The following LRRC37A2 variants were observed in gnomAD, a reference collection of about 807,000 sequenced individuals.
The protein encoded by LRRC37A2 is leucine rich repeat containing 37 member A2.
A neutral mutation model predicts 68.8 loss-of-function variants in LRRC37A2; 9 were observed. That is an observed-to-expected ratio of 0.13 (90% confidence interval 0.08 to 0.23). LRRC37A2 has a LOEUF of 0.23. Among genes scored for constraint, LRRC37A2 ranks in the 10% least tolerant of loss-of-function variants. LRRC37A2 has a pLI of 1.00. For missense variants in LRRC37A2, 168 were observed against 950.4 expected, an observed-to-expected ratio of 0.18 and a Z score of 10.82; for synonymous variants, 63 against 367.6, an observed-to-expected ratio of 0.17 and a Z score of 9.48.
the LRRC37A2 span, among the ~76,000 whole-genome samples, chr17:46,962,539 C>T: frequency 6.6e-6 from 1 of 152,178 alleles, no homozygotes; most frequent in Non-Finnish European, 1.5e-5. Flanking sequence ...TGCTTTTGCA[C>T]TTTTGGGAAG....
At chr17:46,779,053 T>TCTCACACACACACACA in the LRRC37A2 span, among the ~76,000 whole-genome samples, 50 of 100,666 alleles carry the variant, frequency 5.0e-4, no homozygotes, top group African/African-American at 1.7e-3. Flanking sequence ...CCCTACCCCA[T>TCTCACACACACACACA]CACACACACA....
the LRRC37A2 span, among the ~76,000 whole-genome samples, chr17:46,824,741 C>T: frequency 6.6e-6 from 1 of 152,100 alleles, no homozygotes; most frequent in Non-Finnish European, 1.5e-5. Context: ...CAGGCAGGGC[C>T]GAGGTCTCAG....
chr17:46,671,995 G>A, the LRRC37A2 span, among the ~76,000 whole-genome samples: 1 of 134,502 alleles, frequency 7.4e-6, no homozygotes, highest in Non-Finnish European at 1.7e-5. Flanking sequence ...TTTGAGTTTT[G>A]TAGGAAAAGA....
the LRRC37A2 span, among the ~76,000 whole-genome samples, chr17:46,684,366 G>A: frequency 8.1e-5 from 12 of 148,800 alleles, no homozygotes; most frequent in African/African-American, 5.0e-5. Flanking sequence ...CTAGTCTATC[G>A]TTGATGGGCA....
the LRRC37A2 span, among the ~76,000 whole-genome samples, chr17:46,909,396 G>A: frequency 6.6e-6 from 1 of 152,112 alleles, no homozygotes; most frequent in Non-Finnish European, 1.5e-5. Context: ...ATTTAAAATG[G>A]AAAAAGGAGC....
At chr17:46,771,547 G>T in the LRRC37A2 span, among the ~76,000 whole-genome samples, 2 of 148,830 alleles carry the variant, frequency 1.3e-5, no homozygotes, top group African/African-American at 4.9e-5. Flanking sequence ...TGACAGCCCC[G>T]CTGTGCCTTC....
the LRRC37A2 span, among the ~76,000 whole-genome samples, chr17:47,010,060 C>T: frequency 6.6e-6 from 1 of 152,194 alleles, no homozygotes; most frequent in Non-Finnish European, 1.5e-5. Context: ...GACAGAAACC[C>T]AACTCAAACT....
the LRRC37A2 span, among the ~76,000 whole-genome samples, chr17:46,988,225 C>T: frequency 6.6e-6 from 1 of 152,144 alleles, no homozygotes; most frequent in Non-Finnish European, 1.5e-5. Flanking sequence ...AGAAGCCAGA[C>T]TCAAAAAATA....
the LRRC37A2 span, among the ~76,000 whole-genome samples, chr17:46,933,809 T>C: frequency 3.0e-4 from 45 of 151,502 alleles, no homozygotes; most frequent in Non-Finnish European, 6.2e-4. Flanking sequence ...CAAAAAAATA[T>C]AAAAATTAGC....
chr17:46,744,597 A>G, the LRRC37A2 span, among the ~76,000 whole-genome samples: 1 of 151,604 alleles, frequency 6.6e-6, no homozygotes, highest in Non-Finnish European at 1.5e-5. Context: ...CTGCAGTATT[A>G]TATTAGTGGC....
At chr17:46,733,758 AC>A in the LRRC37A2 span, among the ~76,000 whole-genome samples, 2 of 152,198 alleles carry the variant, frequency 1.3e-5, no homozygotes, top group African/African-American at 4.8e-5. Flanking sequence ...CTCTTTGGAA[AC>A]TTTAAACTTT....
At chr17:46,837,328 T>A in the LRRC37A2 span, among the ~76,000 whole-genome samples, 6 of 152,308 alleles carry the variant, frequency 3.9e-5, no homozygotes, top group East Asian at 1.2e-3. Flanking sequence ...GTGACAAGGC[T>A]GGCCTGATAA....
chr17:46,768,813 G>C, the LRRC37A2 span: 5 of 1,611,264 alleles, frequency 3.1e-6, no homozygotes, highest in Non-Finnish European at 4.2e-6. The surrounding 1 kb of genome is among the most constrained non-coding windows in gnomAD (Gnocchi z 5.0). Context: ...GGGGAGAGAA[G>C]TGGCAGCTGG....
chr17:47,033,331 C>T, the LRRC37A2 span: 17 of 699,890 alleles, frequency 2.4e-5, no homozygotes, highest in South Asian at 7.4e-5. Context: ...TGATGCAGTC[C>T]GAGGTCTTGT....
chr17:46,992,525 C>A, the LRRC37A2 span, among the ~76,000 whole-genome samples: 1 of 152,102 alleles, frequency 6.6e-6, no homozygotes, highest in Non-Finnish European at 1.5e-5. Context: ...AAAGCTTCCC[C>A]AGGGGTTCTA....
At chr17:46,881,950 A>G in the LRRC37A2 span, among the ~76,000 whole-genome samples, 1 of 152,156 alleles carries the variant, frequency 6.6e-6, no homozygotes, top group Non-Finnish European at 1.5e-5. Context: ...TATCTACTAC[A>G]TAGTCCATAT....
At chr17:46,936,058 G>C in the LRRC37A2 span, 156 of 985,730 alleles carry the variant, frequency 1.6e-4, no homozygotes, top group Non-Finnish European at 1.8e-4. Context: ...CCATCTCTAC[G>C]GGGGAGAGGG....
the LRRC37A2 span, chr17:47,024,698 C>A: frequency 1.1e-5 from 9 of 856,684 alleles, no homozygotes; most frequent in Admixed American, 1.4e-4. Flanking sequence ...GAGAAAATAA[C>A]TTGACTGAAT....
chr17:47,014,635 C>G, the LRRC37A2 span, among the ~76,000 whole-genome samples: 1 of 151,502 alleles, frequency 6.6e-6, no homozygotes, highest in South Asian at 2.1e-4. Flanking sequence ...TGTATTACTA[C>G]AGTTGTGGAC....
Sources: gnomAD v4.1 joint callset for allele counts (sites outside exome capture counted in the v4.1 genomes callset) on GRCh38, gnomAD v4.1.1 for gene constraint, Gnocchi (gnomAD v3.1) non-coding constraint, MANE v1.5 for transcripts, NCBI Gene and HGNC (gene_info 2026-07-23, HGNC 2026-07-21) for gene names.